Variants in RELN observed in about 807,000 individuals in gnomAD.
RELN encodes reelin.
A neutral mutation model predicts 427.6 loss-of-function variants in RELN; 108 were observed. The observed-to-expected ratio is 0.25, with a 90% CI of 0.22 to 0.30. The LOEUF (loss-of-function observed/expected upper bound fraction) is 0.30, where lower values mean the gene tolerates loss of function less well. Among genes scored for constraint, RELN ranks in the 10% least tolerant of loss-of-function variants. RELN has a pLI of 1.00. For synonymous variants in RELN, 1,524 were observed against 1,513.4 expected, an observed-to-expected ratio of 1.01 and a Z score of -0.16; for missense variants, 3,715 against 4,302.8, an observed-to-expected ratio of 0.86 and a Z score of 3.82.
rs1258991551 is a variant in RELN at position 103,826,319 on chromosome 7, AATGTGTGT to A, written c.473+7210_473+7217del. ...ACAGAAGCACAAAACAGACTAAGAC[AATGTGTGT>A]GTGTGTGTGTGTGTGTGTGTGTGTG... On this transcript the variant is annotated intron_variant, in intron 3 of 64. Transcript: ENST00000428762. 2.2e-3 allele frequency among the ~76,000 whole-genome samples: 299 copies of A among 137,572 alleles called. 1 individual carries two copies. The highest frequency in any genetic ancestry group is 6.1e-3 in the African/African-American group (214 of 34,838). The allele number at this position is 137,572 out of a possible 152,430, so 90.3% of individuals were successfully genotyped here.
chr7:103,584,001 T>C (rs1287208212), intron 28 of RELN, among the ~76,000 whole-genome samples: 2 of 152,204 alleles, frequency 1.3e-5, no homozygotes, highest in Non-Finnish European at 2.9e-5. Context: ...GCCACTGCCA[T>C]AGGACTGCAT....
chr7:103,956,576 C>T (rs1035865941), intron 1 of RELN, among the ~76,000 whole-genome samples: 2 of 152,110 alleles, frequency 1.3e-5, no homozygotes, highest in Non-Finnish European at 2.9e-5. Context: ...AGGAATCATA[C>T]TGACACACTA....
intron 2 of RELN, among the ~76,000 whole-genome samples, chr7:103,907,701 T>C (rs894545517): frequency 5.9e-5 from 9 of 151,914 alleles, no homozygotes. Context: ...TGGTAAATTT[T>C]ATAGTATGTA....
chr7:103,941,707 C>T (rs1796118585), intron 1 of RELN, among the ~76,000 whole-genome samples: 1 of 152,016 alleles, frequency 6.6e-6, no homozygotes, highest in African/African-American at 2.4e-5. Context: ...CATATATAAA[C>T]TCATAACATT....
chr7:103,583,445 T>C (rs903065813), intron 28 of RELN, among the ~76,000 whole-genome samples: 2 of 152,232 alleles, frequency 1.3e-5, no homozygotes, highest in African/African-American at 4.8e-5. Flanking sequence ...CTTCTTACTG[T>C]ATTCCTTACA....
At chr7:103,703,882 C>T (rs572280288) in intron 8 of RELN, among the ~76,000 whole-genome samples, 103 of 152,102 alleles carry the variant, frequency 6.8e-4, no homozygotes, top group Non-Finnish European at 1.2e-3. Flanking sequence ...TTTGTTCTTT[C>T]AGGCAAATGA....
At chr7:103,637,958 G>T (rs563574269) in intron 17 of RELN, among the ~76,000 whole-genome samples, 2 of 152,200 alleles carry the variant, frequency 1.3e-5, no homozygotes, top group South Asian at 4.2e-4. Flanking sequence ...GTTTAGAGAT[G>T]ACTCACATTG....
chr7:103,489,236 C>T (rs1464137006), intron 60 of RELN, among the ~76,000 whole-genome samples: 1 of 127,484 alleles, frequency 7.8e-6, no homozygotes, highest in Non-Finnish European at 1.6e-5. Flanking sequence ...GTGTCCGTGT[C>T]ACAGTGACCT....
rs1830463174 is a variant in RELN, at chr7:103,553,678, T to C, written c.5951A>G (p.Tyr1984Cys). 1 of 1,614,114 alleles carries C rather than the reference T, an allele frequency of 6.2e-7. No individual in the cohort carries two copies. The highest frequency in any genetic ancestry group is 1.7e-5 in the Admixed American group (1 of 60,022). The change falls in exon 39 of 65, where the codon TAT becomes TGT. Residue 1984 changes from tyrosine to cysteine, a missense_variant. Around this residue, in one of 4 missense-constraint regions of RELN, gnomAD observed 1,310 missense variants for 1,643.0 expected, o/e 0.80. Transcript: ENST00000428762. ...TACTTACGGTGCCCCCTTTGAAGAA[T>C]ATGGACAATAAAGACCGATGTTACC... Reference protein sequence around the residue: ...PGGNIGLYCPYSSKGAPEEDS... With the variant: ...PGGNIGLYCPCSSKGAPEEDS...
intron 57 of RELN, 119 bp downstream of exon 57, chr7:103,495,604 A>G (rs975261892): frequency 2.0e-6 from 2 of 977,134 alleles, no homozygotes; most frequent in Non-Finnish European, 3.2e-6. Flanking sequence ...TATTCATAAG[A>G]TAAAGTCTTT....
intron 44 of RELN, chr7:103,539,601 C>G: frequency 2.1e-6 from 1 of 467,138 alleles, no homozygotes; most frequent in Non-Finnish European, 3.9e-6. Context: ...CGACATGTAC[C>G]CAAGCTGGGA....
intron 1 of RELN, among the ~76,000 whole-genome samples, chr7:103,947,216 C>T (rs892352640): frequency 1.3e-5 from 2 of 152,164 alleles, no homozygotes; most frequent in African/African-American, 2.4e-5. Context: ...TCTTTTAACC[C>T]TAGCAGGGAA....
At chr7:103,570,734 C>A (rs1272109883) in intron 31 of RELN, among the ~76,000 whole-genome samples, 2 of 152,172 alleles carry the variant, frequency 1.3e-5, no homozygotes, top group Non-Finnish European at 2.9e-5. Flanking sequence ...CAGCAGCCAC[C>A]TTATTATTCT....
chr7:103,718,666 T>C (rs1790002225), intron 8 of RELN, among the ~76,000 whole-genome samples: 1 of 152,156 alleles, frequency 6.6e-6, no homozygotes, highest in African/African-American at 2.4e-5. Flanking sequence ...CTATTATAGA[T>C]GTCTTTGTAA....
intron 3 of RELN, among the ~76,000 whole-genome samples, chr7:103,829,292 C>G (rs746569336): frequency 2.0e-5 from 3 of 151,320 alleles, no homozygotes; most frequent in Non-Finnish European, 4.4e-5. Flanking sequence ...TTTCTTCTTT[C>G]TTTCCTTCCC....
chr7:103,872,030 A>ATATATATTT (rs773045936), intron 2 of RELN, among the ~76,000 whole-genome samples: 11 of 138,450 alleles, frequency 7.9e-5, no homozygotes, highest in Admixed American at 3.6e-4. Context: ...ATATATATAT[A>ATATATATTT]TTTTTCTTTT....
chr7:103,752,414 A>C (rs780659583), intron 5 of RELN, among the ~76,000 whole-genome samples: 1 of 152,024 alleles, frequency 6.6e-6, no homozygotes, highest in African/African-American at 2.4e-5. Context: ...GTCTCATTTC[A>C]ATTTTTTTTT....
intron 36 of RELN, among the ~76,000 whole-genome samples, chr7:103,558,740 G>T (rs940638541): frequency 5.3e-5 from 8 of 152,156 alleles, no homozygotes; most frequent in Non-Finnish European, 2.9e-5. Flanking sequence ...GGGTACATAG[G>T]ATTGCAGTGA....
At chr7:103,774,499 TA>T (rs1791688067) in intron 4 of RELN, among the ~76,000 whole-genome samples, 1 of 152,122 alleles carries the variant, frequency 6.6e-6, no homozygotes, top group Admixed American at 6.6e-5. Context: ...TTAATTTAAT[TA>T]AAATCAACAA....
Sources: gnomAD v4.1 joint callset for allele counts (sites outside exome capture counted in the v4.1 genomes callset) on GRCh38, gnomAD v4.1.1 for gene constraint, gnomAD v4.1.1 regional missense constraint, MANE v1.5 for transcripts, NCBI Gene and HGNC (gene_info 2026-07-23, HGNC 2026-07-21) for gene names.